The following SCFD2 variants were observed in gnomAD, a reference collection of about 807,000 sequenced individuals.
SCFD2 encodes sec1 family domain-containing protein 2.
In SCFD2, 54 loss-of-function variants were observed where a neutral mutation model predicts 58.9. The ratio of observed to expected loss-of-function variants is 0.92; its 90% CI spans 0.74 to 1.15. The LOEUF (loss-of-function observed/expected upper bound fraction) is 1.15. SCFD2 is among the 50% of genes most tolerant of loss of function. SCFD2 has a pLI of 0.00. For missense variants in SCFD2, 805 were observed against 836.6 expected (o/e 0.96, Z 0.47); for synonymous variants, 321 against 335.9 (o/e 0.96, Z 0.49).
intron 5 of SCFD2, among the ~76,000 whole-genome samples, chr4:53,095,584 TA>T (rs1402920915): frequency 5.9e-5 from 9 of 152,246 alleles, no homozygotes; most frequent in Non-Finnish European, 1.2e-4. Flanking sequence ...TGTGATCCTT[TA>T]AAAATGTATG....
At chr4:52,954,907 A>G (rs1245155390) in intron 5 of SCFD2, among the ~76,000 whole-genome samples, 1 of 152,160 alleles carries the variant, frequency 6.6e-6, no homozygotes, top group African/African-American at 2.4e-5. Context: ...GTACGAGTAC[A>G]CACTCCTCTT....
chr4:53,359,660 G>A (rs960085270), intron 1 of SCFD2, among the ~76,000 whole-genome samples: 4 of 152,118 alleles, frequency 2.6e-5, no homozygotes, highest in Admixed American at 2.6e-4. Flanking sequence ...CTCAATCTAA[G>A]CCACAATTTG....
chr4:53,020,593 C>T (rs1217963314), intron 5 of SCFD2, among the ~76,000 whole-genome samples: 2 of 152,118 alleles, frequency 1.3e-5, no homozygotes, highest in African/African-American at 4.8e-5. Context: ...ACAAGTTATC[C>T]TGTGAGATGC....
chr4:53,230,076 C>A (rs1056437820), intron 4 of SCFD2, among the ~76,000 whole-genome samples: 1 of 152,110 alleles, frequency 6.6e-6, no homozygotes, highest in African/African-American at 2.4e-5. Flanking sequence ...AATGAGATAC[C>A]ATCTCACACC....
At chr4:53,313,485 C>T (rs1250925857) in intron 3 of SCFD2, 151 bp downstream of exon 3, 1 of 774,512 alleles carries the variant, frequency 1.3e-6, no homozygotes, top group African/African-American at 1.7e-5. Flanking sequence ...CCAAGGGCAG[C>T]GTGCACATAT....
At chr4:53,092,836 T>C (rs1724512670) in intron 5 of SCFD2, among the ~76,000 whole-genome samples, 1 of 151,974 alleles carries the variant, frequency 6.6e-6, no homozygotes, top group South Asian at 2.1e-4. Flanking sequence ...AAATACAGTA[T>C]GTCAGATGGT....
chr4:53,152,990 C>T (rs766447860), intron 4 of SCFD2, among the ~76,000 whole-genome samples: 1 of 151,016 alleles, frequency 6.6e-6, no homozygotes, highest in Non-Finnish European at 1.5e-5. Context: ...CAGCCCTGCC[C>T]CTGTGGCTTT....
chr4:52,998,119 T>C (rs1302431223), intron 5 of SCFD2, among the ~76,000 whole-genome samples: 1 of 152,096 alleles, frequency 6.6e-6, no homozygotes, highest in African/African-American at 2.4e-5. Context: ...ACCCTGCTAG[T>C]TAGTGGTGAA....
intron 5 of SCFD2, among the ~76,000 whole-genome samples, chr4:53,034,560 T>C (rs1198724011): frequency 6.6e-6 from 1 of 152,202 alleles, no homozygotes; most frequent in Non-Finnish European, 1.5e-5. Flanking sequence ...GACATGATTG[T>C]ATATTTAGAA....
intron 5 of SCFD2, among the ~76,000 whole-genome samples, chr4:53,065,829 A>G (rs186948766): frequency 1.2e-4 from 18 of 152,198 alleles, no homozygotes; most frequent in Admixed American, 6.6e-4. Flanking sequence ...GTTTTAACAC[A>G]TGCACAGTAC....
intron 4 of SCFD2, among the ~76,000 whole-genome samples, chr4:53,252,088 T>C (rs1384797936): frequency 6.7e-6 from 1 of 149,786 alleles, no homozygotes; most frequent in Non-Finnish European, 1.5e-5. Flanking sequence ...TATACACCAA[T>C]AACAGACAAA....
At chr4:53,350,214 G>T (rs549869796) in intron 2 of SCFD2, among the ~76,000 whole-genome samples, 11 of 152,114 alleles carry the variant, frequency 7.2e-5, no homozygotes, top group Admixed American at 1.3e-4. Flanking sequence ...CCACCCCTCC[G>T]CCATGCCATA....
At position 53,247,628 on chromosome 4, in the gene SCFD2, G is replaced by C. The variant is rs188364503; in HGVS notation, c.1311+26198C>G. The stretch of plus-strand genomic sequence containing the variant: ...TAATCCCAGCACTTTGGGAGGCCGA[G>C]GCGGGTGGATCATGAGGTCAGGAGA... On this transcript the variant is annotated intron_variant, in intron 4 of 8. Transcript: ENST00000401642. Among the ~76,000 whole-genome samples, 244 of 151,948 alleles carry C rather than the reference G, an allele frequency of 1.6e-3. 1 individual carries two copies. The highest frequency in any genetic ancestry group is 5.5e-3 in the African/African-American group (230 of 41,442).
At chr4:52,931,966 C>T (rs554943805) in intron 5 of SCFD2, among the ~76,000 whole-genome samples, 2 of 152,246 alleles carry the variant, frequency 1.3e-5, no homozygotes, top group African/African-American at 4.8e-5. Context: ...CAGCAGAGGC[C>T]CCAGGGCTCC....
At chr4:53,339,678 G>C (rs917458524) in intron 2 of SCFD2, among the ~76,000 whole-genome samples, 4 of 152,038 alleles carry the variant, frequency 2.6e-5, no homozygotes, top group African/African-American at 9.7e-5. Context: ...GCTGAGGCAG[G>C]AGAATGGCTC....
At chr4:53,100,899 A>T (rs1237441768) in intron 5 of SCFD2, among the ~76,000 whole-genome samples, 1 of 152,174 alleles carries the variant, frequency 6.6e-6, no homozygotes, top group Non-Finnish European at 1.5e-5. Flanking sequence ...AATACTCAGA[A>T]TTTTTGCATA....
At chr4:53,147,475 C>T (rs1054703450) in intron 4 of SCFD2, among the ~76,000 whole-genome samples, 9 of 152,134 alleles carry the variant, frequency 5.9e-5, no homozygotes, top group African/African-American at 2.2e-4. Context: ...CTTGGATGTT[C>T]ACAATGTACC....
chr4:53,094,402 C>T (rs1724559353), intron 5 of SCFD2, among the ~76,000 whole-genome samples: 1 of 152,018 alleles, frequency 6.6e-6, no homozygotes, highest in Non-Finnish European at 1.5e-5. Flanking sequence ...CATGTGTCTC[C>T]CCATGATCTT....
At chr4:53,230,389 T>C (rs1042397253) in intron 4 of SCFD2, among the ~76,000 whole-genome samples, 6 of 152,160 alleles carry the variant, frequency 3.9e-5, no homozygotes, top group African/African-American at 1.2e-4. Flanking sequence ...CCAACAATGA[T>C]AGACTGGATT....
Sources: allele counts gnomAD v4.1 joint callset (sites outside exome capture counted in the v4.1 genomes callset), GRCh38; gene constraint gnomAD v4.1.1; transcripts MANE v1.5; gene names NCBI Gene and HGNC (gene_info 2026-07-23, HGNC 2026-07-21).